The following ATRNL1 variants were observed in gnomAD, a reference collection of about 807,000 sequenced individuals.
ATRNL1 encodes attractin like 1, also known as attractin-like protein 1.
A neutral mutation model predicts 182.7 loss-of-function variants in ATRNL1; 95 were observed. That is an observed-to-expected ratio of 0.52 (90% CI 0.44 to 0.62). The LOEUF (loss-of-function observed/expected upper bound fraction) is 0.62, where lower values mean the gene tolerates loss of function less well. Ranked by LOEUF, ATRNL1 falls within the 20% of genes least tolerant of loss-of-function variation. ATRNL1 has a pLI of 0.00. For missense variants in ATRNL1, 1,471 were observed against 1,679.5 expected (o/e 0.88, Z 2.17); for synonymous variants, 576 against 568.3 (o/e 1.01, Z -0.19).
At chr10:115,453,124 G>C (rs554405293) in intron 21 of ATRNL1, among the ~76,000 whole-genome samples, 1 of 152,164 alleles carries the variant, frequency 6.6e-6, no homozygotes, top group East Asian at 1.9e-4. Context: ...TCCATGTCTT[G>C]TCTATTGAGA....
intron 18 of ATRNL1, among the ~76,000 whole-genome samples, 153 bp downstream of exon 18, chr10:115,315,889 A>G (rs781808696): frequency 2.0e-5 from 3 of 152,228 alleles, no homozygotes; most frequent in Middle Eastern, 3.2e-3. Flanking sequence ...TCCATAGACT[A>G]TATCTATCTC....
intron 20 of ATRNL1, among the ~76,000 whole-genome samples, chr10:115,423,759 T>TA (rs1200139892): frequency 6.6e-6 from 1 of 151,282 alleles, no homozygotes; most frequent in Non-Finnish European, 1.5e-5. Context: ...TGTCACCACT[T>TA]AAAAAAAAAT....
intron 8 of ATRNL1, among the ~76,000 whole-genome samples, chr10:115,191,745 T>C (rs114425704): frequency 0.013 from 1,907 of 152,138 alleles, 41 homozygotes; most frequent in African/African-American, 0.043. Flanking sequence ...GGTGCCTTCC[T>C]TCCCCTTCCC....
At chr10:115,536,021 G>C (rs190172863) in intron 25 of ATRNL1, among the ~76,000 whole-genome samples, 13 of 151,674 alleles carry the variant, frequency 8.6e-5, no homozygotes, top group Non-Finnish European at 1.5e-4. Context: ...TGCCCCTACT[G>C]GGGGGAGCCT....
intron 17 of ATRNL1, among the ~76,000 whole-genome samples, chr10:115,313,613 C>T (rs1854145679): frequency 6.6e-6 from 1 of 152,116 alleles, no homozygotes; most frequent in African/African-American, 2.4e-5. Context: ...TTGAACAATT[C>T]AGACTTTAGG....
At chr10:115,733,328 C>T (rs976447851) in intron 27 of ATRNL1, among the ~76,000 whole-genome samples, 2 of 152,026 alleles carry the variant, frequency 1.3e-5, no homozygotes, top group African/African-American at 2.4e-5. Flanking sequence ...TTATAGCTTT[C>T]GAGTACTATA....
At chr10:115,256,728 T>C (rs1851157707) in intron 10 of ATRNL1, among the ~76,000 whole-genome samples, 1 of 152,206 alleles carries the variant, frequency 6.6e-6, no homozygotes, top group East Asian at 1.9e-4. Flanking sequence ...ATTTGTGATG[T>C]TGGGTGTCGA....
chr10:115,388,795 T>A (rs1424744466), intron 19 of ATRNL1, among the ~76,000 whole-genome samples: 3 of 152,036 alleles, frequency 2.0e-5, no homozygotes, highest in African/African-American at 7.2e-5. Flanking sequence ...TTGTTTTTAT[T>A]TATGTTTTGA....
At chr10:115,148,557 A>G (rs1163340509) in intron 5 of ATRNL1, among the ~76,000 whole-genome samples, 1 of 151,982 alleles carries the variant, frequency 6.6e-6, no homozygotes, top group Non-Finnish European at 1.5e-5. Context: ...TCCATTTGGT[A>G]TTGAAGTGGC....
intron 8 of ATRNL1, among the ~76,000 whole-genome samples, chr10:115,202,842 GCTGTGAATCCATCTGGTC>G (rs1198018905): frequency 2.0e-5 from 3 of 146,886 alleles, no homozygotes; most frequent in African/African-American, 7.6e-5. Context: ...GTAGAATTCG[GCTGTGAATCCATCTGGTC>G]CTGGACTCTT....
rs1333154802 is a variant in ATRNL1 at position 115,802,008 on chromosome 10, T to TA, written c.3904-45859dup. ...TGCTCCCCTATGGAAAAACTTGCCT[T>TA]AAAAAAAAAAGAAACACACACACAC... is the stretch of plus-strand genomic sequence containing the variant. On this transcript the variant is annotated intron_variant, in intron 27 of 28. Transcript: ENST00000355044. Among the ~76,000 whole-genome samples, 226 of 31,118 alleles carry TA rather than the reference T, an allele frequency of 7.3e-3. 1 individual carries two copies. Among genetic ancestry groups the TA allele is most frequent in the East Asian group, 0.042 (26 of 618 alleles). 20.4% of individuals were successfully genotyped at this position (31,118 alleles called of 152,430 possible). A position where few individuals can be genotyped will look rare whatever the true frequency, so the allele number is the denominator to read the frequency against.
intron 27 of ATRNL1, among the ~76,000 whole-genome samples, chr10:115,751,664 A>G (rs1948452269): frequency 6.6e-6 from 1 of 152,066 alleles, no homozygotes; most frequent in Admixed American, 6.6e-5. Flanking sequence ...ATTGGTTGAA[A>G]GAAGTGTGGT....
intron 28 of ATRNL1, among the ~76,000 whole-genome samples, chr10:115,854,282 G>A (rs1451596978): frequency 6.6e-6 from 1 of 152,178 alleles, no homozygotes; most frequent in African/African-American, 2.4e-5. Context: ...CATCTCTGTA[G>A]TGTTTGACTG....
intron 1 of ATRNL1, among the ~76,000 whole-genome samples, chr10:115,111,021 A>G (rs953141317): frequency 6.6e-6 from 1 of 152,208 alleles, no homozygotes; most frequent in Non-Finnish European, 1.5e-5. Context: ...TGCACAGTAT[A>G]CTTCCAGTCT....
intron 15 of ATRNL1, among the ~76,000 whole-genome samples, chr10:115,288,577 G>A (rs527907823): frequency 6.6e-6 from 1 of 150,808 alleles, no homozygotes; most frequent in East Asian, 2.0e-4. Context: ...GCTGGAGTGC[G>A]GTGGCATGAT....
At chr10:115,587,613 C>T (rs574622996) in intron 26 of ATRNL1, among the ~76,000 whole-genome samples, 30 of 119,546 alleles carry the variant, frequency 2.5e-4, no homozygotes, top group South Asian at 9.2e-4. Context: ...TCGCCCGCTT[C>T]GGCTCGCGCA....
At chr10:115,196,038 A>G (rs1025263674) in intron 8 of ATRNL1, among the ~76,000 whole-genome samples, 6 of 152,060 alleles carry the variant, frequency 3.9e-5, no homozygotes, top group African/African-American at 1.4e-4. Flanking sequence ...GCTCACACCT[A>G]TAATCCCAGA....
At chr10:115,126,804 C>T (rs1338295657) in intron 3 of ATRNL1, among the ~76,000 whole-genome samples, 1 of 152,108 alleles carries the variant, frequency 6.6e-6, no homozygotes, top group African/African-American at 2.4e-5. Context: ...TTTCTTTCAC[C>T]AATTGCATGT....
intron 19 of ATRNL1, among the ~76,000 whole-genome samples, chr10:115,346,439 T>C (rs1190166890): frequency 6.6e-6 from 1 of 152,238 alleles, no homozygotes; most frequent in Non-Finnish European, 1.5e-5. Context: ...TGTATCAGAC[T>C]GTCTTTCCTT....
Sources: allele counts gnomAD v4.1 joint callset (sites outside exome capture counted in the v4.1 genomes callset), GRCh38; gene constraint gnomAD v4.1.1; transcripts MANE v1.5; gene names NCBI Gene and HGNC (gene_info 2026-07-23, HGNC 2026-07-21).